The following MCHR2 variants were observed in gnomAD, a reference collection of about 807,000 sequenced individuals.
MCHR2 encodes melanin concentrating hormone receptor 2, also known as melanin-concentrating hormone receptor 2.
In MCHR2, 15 loss-of-function variants were observed where a neutral mutation model predicts 24.8. That is an observed-to-expected ratio of 0.60 (90% confidence interval 0.40 to 0.93). MCHR2 has a LOEUF of 0.93. MCHR2 is among the 40% of genes least tolerant of loss of function. The pLI, the probability that MCHR2 is intolerant of heterozygous loss-of-function variation, is 0.00. For synonymous variants in MCHR2, 151 were observed against 147.6 expected, an observed-to-expected ratio of 1.02 and a Z score of -0.17; for missense variants, 386 against 408.7, an observed-to-expected ratio of 0.94 and a Z score of 0.48.
chr6:99,972,857 T>C (rs552190318), intron 1 of MCHR2, among the ~76,000 whole-genome samples: 149 of 152,322 alleles, frequency 9.8e-4, no homozygotes, highest in African/African-American at 3.4e-3. Context: ...TCAGTTTCCA[T>C]GTAGTTGAGT....
chr6:99,943,549 T>C (rs1774819408), intron 3 of MCHR2, among the ~76,000 whole-genome samples: 1 of 151,618 alleles, frequency 6.6e-6, no homozygotes, highest in Non-Finnish European at 1.5e-5. Context: ...TGTGTTCTCA[T>C]TGTTCAATTC....
chr6:99,975,863 G>T (rs1562133562), intron 1 of MCHR2, among the ~76,000 whole-genome samples: 1 of 152,192 alleles, frequency 6.6e-6, no homozygotes, highest in African/African-American at 2.4e-5. Flanking sequence ...TGACAGAAAG[G>T]CATGTCACTT....
chr6:99,952,060 G>A (rs778078560), intron 2 of MCHR2, among the ~76,000 whole-genome samples: 3 of 152,100 alleles, frequency 2.0e-5, no homozygotes, highest in South Asian at 2.1e-4. Flanking sequence ...AAAGTTGTCC[G>A]TTTATTGAAG....
rs1774211981 is a variant in MCHR2 at position 99,920,937 on chromosome 6, T to C, written c.*3A>G. The C allele has an allele frequency of 1.9e-6, 3 of 1,613,364 alleles. No homozygotes were observed. Among genetic ancestry groups the C allele is most frequent in the Non-Finnish European group, 2.5e-6 (3 of 1,179,568 alleles). On this transcript the variant is annotated 3_prime_UTR_variant, in exon 6 of 6. Transcript: ENST00000281806. ...CTAGACTCATGGTGATCCATGTACT[T>C]TCCTAAAAGTGTGATTTCAGAGTGT...
At chr6:99,955,691 G>C (rs1775045268) in intron 2 of MCHR2, among the ~76,000 whole-genome samples, 1 of 152,086 alleles carries the variant, frequency 6.6e-6, no homozygotes, top group African/African-American at 2.4e-5. Context: ...CTAATATGCA[G>C]CTAAGACTGA....
intron 1 of MCHR2, among the ~76,000 whole-genome samples, chr6:99,981,392 G>A (rs1775666770): frequency 6.6e-6 from 1 of 152,146 alleles, no homozygotes; most frequent in Admixed American, 6.6e-5. Flanking sequence ...TTCACTACTG[G>A]ACAGTGGCTT....
chr6:99,971,102 G>T (rs1184424507), intron 1 of MCHR2, among the ~76,000 whole-genome samples: 1 of 152,148 alleles, frequency 6.6e-6, no homozygotes, highest in African/African-American at 2.4e-5. Context: ...TGTGAAGAAA[G>T]TCATTGGTAG....
chr6:99,961,422 G>T (rs964317223), intron 1 of MCHR2, among the ~76,000 whole-genome samples: 5 of 152,106 alleles, frequency 3.3e-5, no homozygotes, highest in African/African-American at 1.2e-4. Context: ...GTTTACTGAG[G>T]CACTGTTCAC....
intron 3 of MCHR2, among the ~76,000 whole-genome samples, chr6:99,943,490 C>T (rs1040496342): frequency 3.6e-4 from 54 of 151,718 alleles, no homozygotes; most frequent in African/African-American, 1.3e-3. Context: ...CTCCCCTCCC[C>T]CAACCCCACA....
chr6:99,936,641 T>G (rs553869466), intron 4 of MCHR2, among the ~76,000 whole-genome samples: 1 of 152,140 alleles, frequency 6.6e-6, no homozygotes, highest in South Asian at 2.1e-4. Flanking sequence ...CTAGCTTTGT[T>G]CTTTACCTCA....
intron 5 of MCHR2, among the ~76,000 whole-genome samples, chr6:99,926,777 T>C (rs1291367653): frequency 6.6e-6 from 1 of 152,286 alleles, no homozygotes; most frequent in Admixed American, 6.5e-5. Context: ...TTTCTCCCAT[T>C]TTGTAGGTTG....
chr6:99,976,371 A>G (rs1775551901), intron 1 of MCHR2, among the ~76,000 whole-genome samples: 1 of 152,194 alleles, frequency 6.6e-6, no homozygotes, highest in Admixed American at 6.5e-5. Context: ...TTCAGCCTAC[A>G]TGAAAACCAG....
rs529317222 is a variant in MCHR2, at chr6:99,919,621, G to A, written c.*1319C>T. Among the ~76,000 whole-genome samples, 1 of 151,910 alleles carries A rather than the reference G, an allele frequency of 6.6e-6. No homozygotes were observed. Among genetic ancestry groups the A allele is most frequent in the Admixed American group, 6.5e-5 (1 of 15,270 alleles). ...TATATAAGTCTAAAGAGGAAAGATA[G>A]ATATAATGAATACCTATGAAAATTT... is the stretch of plus-strand genomic sequence containing the variant. On this transcript the variant is annotated 3_prime_UTR_variant, in exon 6 of 6. Transcript: ENST00000281806.
rs1158830995 is a variant in MCHR2 at position 99,934,493 on chromosome 6, T to G, written c.612A>C (p.Thr204=). Residue 204 remains threonine, a synonymous_variant, in exon 5 of 6, where the codon ACA becomes ACC. Coordinates refer to ENST00000281806, the MANE Select transcript of MCHR2 (RefSeq NM_001040179.2). ...VLWYTLYLTI[T]TFFFPLPLIL... ...TCAAGGGTAGAGGGAAAAAAAAAGT[T>G]GTTATCGTCAAATAAAGTGTATACC... 1.3e-6 allele frequency: 2 copies of G among 1,598,614 alleles called. No homozygotes were observed. Among genetic ancestry groups the G allele is most frequent in the Admixed American group, 3.5e-5 (2 of 57,486 alleles).
chr6:99,955,809 A>G (rs1775047854), intron 2 of MCHR2, among the ~76,000 whole-genome samples, 157 bp downstream of exon 2: 1 of 152,150 alleles, frequency 6.6e-6, no homozygotes, highest in Non-Finnish European at 1.5e-5. Context: ...CATGACGAAA[A>G]TATCTGTAGA....
intron 4 of MCHR2, among the ~76,000 whole-genome samples, chr6:99,935,442 A>G (rs911327277): frequency 6.6e-6 from 1 of 152,002 alleles, no homozygotes; most frequent in Non-Finnish European, 1.5e-5. Flanking sequence ...GCTCCCACAT[A>G]TAAGTGAGAA....
At chr6:99,924,210 A>T (rs1774303980) in intron 5 of MCHR2, among the ~76,000 whole-genome samples, 1 of 152,080 alleles carries the variant, frequency 6.6e-6, no homozygotes, top group Non-Finnish European at 1.5e-5. Context: ...TGCTCATGGT[A>T]GCCACTAATG....
Position 99,948,024 on chromosome 6 carries a change from C to T in MCHR2, c.183-53G>A, listed in dbSNP as rs936697577. 6.0e-5 allele frequency: 89 copies of T among 1,474,926 alleles called. 1 individual carries two copies. The Admixed American group carries it at 1.4e-3, about 23-fold the overall frequency. 91.4% of individuals were successfully genotyped at this position (1,474,926 alleles called of 1,614,324 possible). A position where few individuals can be genotyped will look rare whatever the true frequency, so the allele number is the denominator to read the frequency against. ...TGACATTGAATGTATACAGACTATT[C>T]GATATATGCTACCTCATACAAATTT... On this transcript the variant is annotated intron_variant, in intron 2 of 5. Coordinates refer to ENST00000281806, the MANE Select transcript of MCHR2 (RefSeq NM_001040179.2).
intron 5 of MCHR2, among the ~76,000 whole-genome samples, chr6:99,927,668 AT>A (rs1007851053): frequency 4.6e-5 from 7 of 151,718 alleles, no homozygotes; most frequent in African/African-American, 1.7e-4. Flanking sequence ...AATGCTTGTG[AT>A]TTTTGTACGT....
Sources: gnomAD v4.1 joint callset for allele counts (sites outside exome capture counted in the v4.1 genomes callset) on GRCh38, gnomAD v4.1.1 for gene constraint, MANE v1.5 for transcripts, NCBI Gene and HGNC (gene_info 2026-07-23, HGNC 2026-07-21) for gene names.